AFF3: variants seen among roughly 807,000 people sequenced by gnomAD.
AFF3 encodes the protein AF4/FMR2 family member 3.
A neutral mutation model predicts 129.7 loss-of-function variants in AFF3; 32 were observed. The ratio of observed to expected loss-of-function variants is 0.25; its 90% CI spans 0.19 to 0.33. The LOEUF (loss-of-function observed/expected upper bound fraction) is 0.33. AFF3 is among the 10% of genes least tolerant of loss of function. The pLI, the probability that AFF3 is intolerant of heterozygous loss-of-function variation, is 1.00. For synonymous variants in AFF3, 644 were observed against 635.4 expected, an observed-to-expected ratio of 1.01 and a Z score of -0.20; for missense variants, 1,373 against 1,592.0, an observed-to-expected ratio of 0.86 and a Z score of 2.34.
chr2:99,593,761 T>G lies in AFF3; in HGVS notation c.1900A>C (p.Arg634=). 2 of 1,612,684 alleles carry G rather than the reference T, an allele frequency of 1.2e-6. No homozygotes were observed. Among genetic ancestry groups the G allele is most frequent in the Non-Finnish European group, 1.7e-6 (2 of 1,179,924 alleles). Residue 634 remains arginine (R), a synonymous_variant, in exon 15 of 25, where the codon AGA becomes CGA. Coordinates refer to ENST00000672756, the MANE Select transcript of AFF3 (RefSeq NM_001386135.1). ...CGCAGCTCCTTGCGGTGGCTCGCTC[T>G]GTTGTTGCCACAGGGCCTGGTTTTG... The part of the protein sequence containing the change: ...PTKTRPCGNN[R]ASHRKELRSS...
intron 7 of AFF3, among the ~76,000 whole-genome samples, chr2:99,998,371 T>TG (rs760077838): frequency 6.6e-6 from 1 of 150,818 alleles, no homozygotes; most frequent in African/African-American, 2.4e-5. Context: ...AACATGAAAG[T>TG]GGGGGGTTTC....
chr2:99,649,379 C>T (rs1309082554), intron 13 of AFF3, among the ~76,000 whole-genome samples: 1 of 152,200 alleles, frequency 6.6e-6, no homozygotes, highest in Non-Finnish European at 1.5e-5. Context: ...GCCTTTCTCT[C>T]TAAGTTTCTT....
chr2:99,883,834 A>G (rs1361045706), intron 7 of AFF3, among the ~76,000 whole-genome samples: 2 of 152,264 alleles, frequency 1.3e-5, no homozygotes, highest in African/African-American at 4.8e-5. Flanking sequence ...TATACATTTC[A>G]GGAAGAAAGG....
chr2:99,669,936 G>C (rs1687005774), intron 12 of AFF3, among the ~76,000 whole-genome samples: 1 of 152,206 alleles, frequency 6.6e-6, no homozygotes, highest in South Asian at 2.1e-4. Context: ...GGCGACAAGA[G>C]TGAAACTCCG....
At chr2:99,603,362 C>A (rs905701844) in intron 13 of AFF3, among the ~76,000 whole-genome samples, 1 of 152,166 alleles carries the variant, frequency 6.6e-6, no homozygotes, top group Non-Finnish European at 1.5e-5. Flanking sequence ...TAGAACCTGA[C>A]AGAAACAAGC....
At chr2:99,899,552 A>T (rs1694206918) in intron 7 of AFF3, among the ~76,000 whole-genome samples, 2 of 152,256 alleles carry the variant, frequency 1.3e-5, no homozygotes, top group Admixed American at 1.3e-4. Flanking sequence ...AGTAGCATAA[A>T]CTTTGATAAA....
At chr2:99,658,748 C>G (rs932218515) in intron 12 of AFF3, among the ~76,000 whole-genome samples, 7 of 152,064 alleles carry the variant, frequency 4.6e-5, no homozygotes, top group African/African-American at 1.2e-4. Context: ...ACAGAGCAGC[C>G]CCATTCTGTC....
intron 12 of AFF3, among the ~76,000 whole-genome samples, chr2:99,663,052 T>C (rs1408701277): frequency 2.0e-5 from 3 of 152,238 alleles, no homozygotes; most frequent in Non-Finnish European, 2.9e-5. Context: ...AAAAACCTCC[T>C]ATGTTTTTAT....
chr2:99,718,704 A>G (rs1678600817), intron 11 of AFF3, among the ~76,000 whole-genome samples: 1 of 152,082 alleles, frequency 6.6e-6, no homozygotes. Context: ...CTTAGGAAGA[A>G]GTGCTTGGAA....
chr2:99,694,405 G>A (rs1388723438), intron 11 of AFF3, among the ~76,000 whole-genome samples: 10 of 152,122 alleles, frequency 6.6e-5, no homozygotes, highest in Non-Finnish European at 2.9e-5. Flanking sequence ...GTGGCAGGCA[G>A]AGGAAGCTGG....
At chr2:99,666,582 A>G (rs1312657725) in intron 12 of AFF3, among the ~76,000 whole-genome samples, 1 of 152,222 alleles carries the variant, frequency 6.6e-6, no homozygotes, top group Non-Finnish European at 1.5e-5. Flanking sequence ...AATGGTCTAA[A>G]TGTATCAATT....
chr2:99,639,548 T>C lies in AFF3; in HGVS notation c.1184+10078A>G, dbSNP rs1163858014. ...TCTCTGCCAGGGCTCCCCCACGTTATTGAACATTACTGTTTGCTTTTGAAA... is the reference window on the plus strand; with the variant it reads ...TCTCTGCCAGGGCTCCCCCACGTTACTGAACATTACTGTTTGCTTTTGAAA... On this transcript the variant is annotated intron_variant, in intron 13 of 24. Coordinates refer to ENST00000672756, the MANE Select transcript of AFF3 (RefSeq NM_001386135.1). Among the ~76,000 whole-genome samples the C allele has an allele frequency of 5.9e-5, 9 of 152,256 alleles. No individual in the cohort carries two copies. The East Asian group carries it at 1.5e-3, about 26-fold the overall frequency.
chr2:100,015,195 A>G (rs1682910374), intron 4 of AFF3, among the ~76,000 whole-genome samples: 1 of 152,064 alleles, frequency 6.6e-6, no homozygotes, highest in Admixed American at 6.6e-5. Flanking sequence ...ACCTCACTCT[A>G]AACAGGTTCG....
intron 11 of AFF3, among the ~76,000 whole-genome samples, chr2:99,716,850 T>C (rs1678440933): frequency 6.6e-6 from 1 of 150,454 alleles, no homozygotes; most frequent in Non-Finnish European, 1.5e-5. Flanking sequence ...ACCACTGCAC[T>C]CCAGCCTGGG....
intron 12 of AFF3, among the ~76,000 whole-genome samples, chr2:99,664,180 C>A (rs1024796306): frequency 1.8e-4 from 27 of 152,192 alleles, no homozygotes; most frequent in Admixed American, 9.2e-4. Context: ...GTATCACATA[C>A]CTTTCATTTA....
chr2:100,053,540 T>C (rs1168075668), intron 4 of AFF3, among the ~76,000 whole-genome samples: 2 of 152,226 alleles, frequency 1.3e-5, no homozygotes, highest in African/African-American at 4.8e-5. Flanking sequence ...GGAAAGATAA[T>C]GTATAAGAAG....
chr2:99,763,753 A>C (rs1001910909), intron 8 of AFF3, among the ~76,000 whole-genome samples: 9 of 152,236 alleles, frequency 5.9e-5, no homozygotes, highest in Non-Finnish European at 1.3e-4. Context: ...AAAAGACTGC[A>C]AAAAAGAGGG....
chr2:99,650,744 T>C (rs1685157865), intron 12 of AFF3, among the ~76,000 whole-genome samples: 2 of 152,152 alleles, frequency 1.3e-5, no homozygotes, highest in Admixed American at 1.3e-4. Flanking sequence ...ACTTTCATTT[T>C]GTATTGAAAA....
chr2:99,745,852 T>C (rs1245613124), intron 9 of AFF3, among the ~76,000 whole-genome samples: 1 of 152,208 alleles, frequency 6.6e-6, no homozygotes, highest in Admixed American at 6.5e-5. Context: ...TCCTCTTTCT[T>C]TGCAAAATTC....
Sources: gnomAD v4.1 joint callset for allele counts (sites outside exome capture counted in the v4.1 genomes callset) on GRCh38, gnomAD v4.1.1 for gene constraint, MANE v1.5 for transcripts, NCBI Gene and HGNC (gene_info 2026-07-23, HGNC 2026-07-21) for gene names.